Variants in ADAMTSL1 observed in about 807,000 individuals in gnomAD.
ADAMTSL1 encodes ADAMTS like 1.
A neutral mutation model predicts 201.8 loss-of-function variants in ADAMTSL1; 126 were observed. The observed-to-expected ratio is 0.62, with a 90% CI of 0.54 to 0.72. The LOEUF (loss-of-function observed/expected upper bound fraction) is 0.72. ADAMTSL1 is among the 30% of genes least tolerant of loss of function. ADAMTSL1 has a pLI of 0.00. For missense variants in ADAMTSL1, 2,679 were observed against 2,277.8 expected (o/e 1.18, Z -3.59); for synonymous variants, 1,121 against 903.4 (o/e 1.24, Z -4.32).
intron 4 of ADAMTSL1, among the ~76,000 whole-genome samples, chr9:18,585,916 AC>A (rs1823457500): frequency 1.3e-5 from 2 of 152,224 alleles, no homozygotes; most frequent in Non-Finnish European, 2.9e-5. Flanking sequence ...AATTTAATAA[AC>A]TAGATATTGA....
At chr9:18,536,863 A>C (rs1819805363) in intron 3 of ADAMTSL1, among the ~76,000 whole-genome samples, 1 of 152,296 alleles carries the variant, frequency 6.6e-6, no homozygotes, top group African/African-American at 2.4e-5. Context: ...CTCAAATTTG[A>C]ACCCCTTGAA....
intron 3 of ADAMTSL1, among the ~76,000 whole-genome samples, chr9:18,536,313 T>C (rs1819770847): frequency 6.6e-6 from 1 of 152,146 alleles, no homozygotes; most frequent in Non-Finnish European, 1.5e-5. Context: ...CTTGGGGCAC[T>C]TCTGAACTAC....
At chr9:18,756,446 A>G (rs564534611) in intron 16 of ADAMTSL1, among the ~76,000 whole-genome samples, 3 of 152,004 alleles carry the variant, frequency 2.0e-5, no homozygotes, top group Admixed American at 6.6e-5. Context: ...AGAAGAAACC[A>G]TTGTTTATAT....
At chr9:17,942,175 G>A (rs1827264519) in intron 1 of ADAMTSL1, among the ~76,000 whole-genome samples, 1 of 152,118 alleles carries the variant, frequency 6.6e-6, no homozygotes, top group African/African-American at 2.4e-5. Flanking sequence ...ATTGTTTGTT[G>A]GGTACTGAGT....
intron 20 of ADAMTSL1, among the ~76,000 whole-genome samples, chr9:18,802,269 T>C (rs531361610): frequency 6.6e-6 from 1 of 151,922 alleles, no homozygotes; most frequent in Admixed American, 6.6e-5. Flanking sequence ...AGACCCTGTC[T>C]CCAAAAACAA....
intron 1 of ADAMTSL1, among the ~76,000 whole-genome samples, chr9:17,986,402 C>G (rs1818931301): frequency 6.6e-6 from 1 of 151,770 alleles, no homozygotes; most frequent in South Asian, 2.1e-4. Flanking sequence ...TGAAGACATA[C>G]CAGATAGAAA....
chr9:17,947,744 A>G (rs2772690), intron 1 of ADAMTSL1, among the ~76,000 whole-genome samples: 147,189 of 152,276 alleles, frequency 0.97, 71,234 homozygotes, highest in East Asian at 1. Flanking sequence ...CTGTGCTAAT[A>G]AGTCAAGCAT....
At chr9:18,407,481 G>A (rs75584746) in intron 2 of ADAMTSL1, among the ~76,000 whole-genome samples, 4,607 of 152,254 alleles carry the variant, frequency 0.03, 166 homozygotes, top group Admixed American at 0.11. Context: ...GGAAGATGGG[G>A]GATAAACATT....
chr9:18,011,269 T>A (rs1471166080), intron 1 of ADAMTSL1, among the ~76,000 whole-genome samples: 1 of 152,040 alleles, frequency 6.6e-6, no homozygotes, highest in Non-Finnish European at 1.5e-5. Flanking sequence ...TACCTAAACT[T>A]TTGTTTGAAC....
chr9:17,930,535 C>G (rs1355442135), intron 1 of ADAMTSL1, among the ~76,000 whole-genome samples: 1 of 152,086 alleles, frequency 6.6e-6, no homozygotes, highest in Non-Finnish European at 1.5e-5. Context: ...GGAGGTCACA[C>G]AAACTGGTCT....
At chr9:18,057,655 C>A (rs550025889) in intron 1 of ADAMTSL1, among the ~76,000 whole-genome samples, 3 of 152,274 alleles carry the variant, frequency 2.0e-5, no homozygotes, top group South Asian at 2.1e-4. Flanking sequence ...TCACCCAGAC[C>A]AGTCCAAAGT....
At chr9:18,904,354 A>C (rs985143971) in intron 26 of ADAMTSL1, among the ~76,000 whole-genome samples, 1 of 152,086 alleles carries the variant, frequency 6.6e-6, no homozygotes, top group African/African-American at 2.4e-5. Flanking sequence ...CTGTAGTCCC[A>C]GCTACTTGGG....
intron 2 of ADAMTSL1, among the ~76,000 whole-genome samples, chr9:18,281,939 A>G (rs927389231): frequency 1.3e-5 from 2 of 152,026 alleles, no homozygotes; most frequent in Non-Finnish European, 2.9e-5. Flanking sequence ...TTCTTCTTTG[A>G]CCCGTAGGTT....
chr9:18,650,377 G>A (rs538839319), intron 7 of ADAMTSL1, among the ~76,000 whole-genome samples: 14 of 152,118 alleles, frequency 9.2e-5, no homozygotes, highest in African/African-American at 2.2e-4. Context: ...GCTTCGGCTC[G>A]TGCACAGCGC....
chr9:18,548,252 A>G (rs1270720737), intron 3 of ADAMTSL1, among the ~76,000 whole-genome samples: 1 of 152,032 alleles, frequency 6.6e-6, no homozygotes, highest in Non-Finnish European at 1.5e-5. Context: ...TGAACAAGGG[A>G]CACTCTGCCT....
intron 4 of ADAMTSL1, among the ~76,000 whole-genome samples, chr9:18,598,107 GAAC>G (rs1051517640): frequency 6.6e-6 from 1 of 152,130 alleles, no homozygotes; most frequent in African/African-American, 2.4e-5. Flanking sequence ...GTGGTTAATA[GAAC>G]AACAAGGCCA....
At chr9:18,225,440 A>T (rs1830405145) in intron 2 of ADAMTSL1, among the ~76,000 whole-genome samples, 2 of 152,196 alleles carry the variant, frequency 1.3e-5, no homozygotes, top group South Asian at 4.1e-4. Flanking sequence ...GATTTTAATA[A>T]TGTGAGTAAG....
intron 2 of ADAMTSL1, among the ~76,000 whole-genome samples, chr9:18,527,476 C>T (rs1819156186): frequency 6.6e-6 from 1 of 152,152 alleles, no homozygotes; most frequent in South Asian, 2.1e-4. Context: ...AAATCAAATG[C>T]ATGCCCCTTT....
In ADAMTSL1 at chr9:17,938,912, CT is replaced by C. The variant is rs1233358180; in HGVS notation, c.87+31994del. Among the ~76,000 whole-genome samples the C allele has an allele frequency of 1.1e-4, 17 of 152,088 alleles. 1 individual carries two copies. Among genetic ancestry groups the C allele is most frequent in the Non-Finnish European group, 7.4e-5 (5 of 68,018 alleles). On this transcript the variant is annotated intron_variant, in intron 1 of 29. Coordinates refer to the ADAMTSL1 transcript ENST00000680146. ...TCTTAAGCTGGACATAGAGAAAACCCTTTTGTCTTGTTTTGACAAGTCATTA... is the reference window on the plus strand; with the variant it reads ...TCTTAAGCTGGACATAGAGAAAACCCTTTGTCTTGTTTTGACAAGTCATTA...
Sources: gnomAD v4.1 joint callset for allele counts (sites outside exome capture counted in the v4.1 genomes callset) on GRCh38, gnomAD v4.1.1 for gene constraint, MANE v1.5 for transcripts, NCBI Gene and HGNC (gene_info 2026-07-23, HGNC 2026-07-21) for gene names.